The following REDIC1 variants were observed in gnomAD, a reference collection of about 807,000 sequenced individuals.
The protein encoded by REDIC1 is HEI10 Interacting Protein 1.
chr12:39,633,421 A>G, the REDIC1 span, among the ~76,000 whole-genome samples: 1 of 152,192 alleles, frequency 6.6e-6, no homozygotes, highest in African/African-American at 2.4e-5. Flanking sequence ...TATGATAACA[A>G]TGCCTTCTTC....
At chr12:39,811,255 A>C in the REDIC1 span, among the ~76,000 whole-genome samples, 14 of 152,020 alleles carry the variant, frequency 9.2e-5, no homozygotes, top group African/African-American at 3.4e-4. Flanking sequence ...TCTCTTCAAG[A>C]AATTACCTTT....
the REDIC1 span, among the ~76,000 whole-genome samples, chr12:39,841,104 C>T: frequency 4.6e-5 from 7 of 152,076 alleles, no homozygotes; most frequent in Admixed American, 2.0e-4. Flanking sequence ...TCCCCTTACA[C>T]GTTGAGGCTA....
At chr12:39,640,584 G>T in the REDIC1 span, among the ~76,000 whole-genome samples, 1 of 152,014 alleles carries the variant, frequency 6.6e-6, no homozygotes, top group East Asian at 1.9e-4. Flanking sequence ...TCAGTAGAAT[G>T]TTGAAATACA....
the REDIC1 span, among the ~76,000 whole-genome samples, chr12:39,695,328 G>A: frequency 1.3e-5 from 2 of 152,148 alleles, no homozygotes; most frequent in East Asian, 1.9e-4. Flanking sequence ...TTGGCTCTTG[G>A]ATGGCATTTC....
chr12:39,823,688 A>G, the REDIC1 span, among the ~76,000 whole-genome samples: 9 of 152,116 alleles, frequency 5.9e-5, no homozygotes, highest in African/African-American at 2.2e-4. Context: ...GGCTCAAGTG[A>G]TCCTCCTGCT....
the REDIC1 span, among the ~76,000 whole-genome samples, chr12:39,711,075 C>T: frequency 1.3e-5 from 2 of 151,414 alleles, no homozygotes; most frequent in African/African-American, 4.9e-5. Context: ...TCCCAAAGTC[C>T]ATTGTATCAT....
chr12:39,712,190 G>GTACATGTATATATACCTGTATGTATATA, the REDIC1 span, among the ~76,000 whole-genome samples: 2 of 12,972 alleles, frequency 1.5e-4, no homozygotes, highest in Non-Finnish European at 5.4e-4. Flanking sequence ...GTATGTATAT[G>GTACATGTATATATACCTGTATGTATATA]TACATACATA....
At chr12:39,810,835 G>T in the REDIC1 span, among the ~76,000 whole-genome samples, 1 of 151,984 alleles carries the variant, frequency 6.6e-6, no homozygotes. Context: ...TTCAATTTGA[G>T]AATTTTTCTG....
the REDIC1 span, chr12:39,646,775 T>C: frequency 9.1e-7 from 1 of 1,095,836 alleles, no homozygotes; most frequent in Non-Finnish European, 1.3e-6. Context: ...GAATTTTAAA[T>C]ATAGGAAAGG....
the REDIC1 span, among the ~76,000 whole-genome samples, chr12:39,691,687 T>A: frequency 1.3e-5 from 2 of 152,108 alleles, no homozygotes; most frequent in Non-Finnish European, 1.5e-5. Context: ...AACCTGATAA[T>A]AAACGACTGA....
the REDIC1 span, among the ~76,000 whole-genome samples, chr12:39,691,503 G>C: frequency 6.6e-6 from 1 of 152,010 alleles, no homozygotes; most frequent in Non-Finnish European, 1.5e-5. Flanking sequence ...CAACTAAAAA[G>C]AGATACTTAA....
At chr12:39,765,872 C>T in the REDIC1 span, among the ~76,000 whole-genome samples, 4 of 152,040 alleles carry the variant, frequency 2.6e-5, no homozygotes, top group Non-Finnish European at 5.9e-5. Context: ...TATCCTGATG[C>T]TCTCCCTCCT....
chr12:39,892,303 G>C, the REDIC1 span, among the ~76,000 whole-genome samples: 1 of 152,152 alleles, frequency 6.6e-6, no homozygotes, highest in African/African-American at 2.4e-5. Flanking sequence ...CAGCTTGTTT[G>C]GGTCACAGGA....
chr12:39,798,139 A>G, the REDIC1 span, among the ~76,000 whole-genome samples: 3 of 152,208 alleles, frequency 2.0e-5, no homozygotes, highest in African/African-American at 7.2e-5. Flanking sequence ...GGAAAACTCC[A>G]CATAAAGAGA....
chr12:39,857,621 A>G, the REDIC1 span, among the ~76,000 whole-genome samples: 12 of 152,206 alleles, frequency 7.9e-5, no homozygotes, highest in African/African-American at 2.9e-4. Context: ...TGATCTTTTA[A>G]AAACACAAAT....
At chr12:39,866,253 TTTTG>T in the REDIC1 span, among the ~76,000 whole-genome samples, 1 of 152,180 alleles carries the variant, frequency 6.6e-6, no homozygotes, top group Non-Finnish European at 1.5e-5. Context: ...GTTGAGATGT[TTTTG>T]TTTAAGACAT....
chr12:39,735,749 T>A, the REDIC1 span, among the ~76,000 whole-genome samples: 1,966 of 152,324 alleles, frequency 0.013, 16 homozygotes, highest in Non-Finnish European at 0.021. Flanking sequence ...TCCCTAAGGA[T>A]CTTGAGGCAC....
At chr12:39,826,306 G>GT in the REDIC1 span, among the ~76,000 whole-genome samples, 1 of 151,410 alleles carries the variant, frequency 6.6e-6, no homozygotes, top group African/African-American at 2.4e-5. Context: ...TCTTATTTCT[G>GT]TATTTCTAAC....
chr12:39,699,819 C>G, the REDIC1 span, among the ~76,000 whole-genome samples: 20 of 152,284 alleles, frequency 1.3e-4, no homozygotes, highest in African/African-American at 4.3e-4. Flanking sequence ...GGAGGCACCC[C>G]CAAGCAGTGG....
Sources: gnomAD v4.1 joint callset for allele counts (sites outside exome capture counted in the v4.1 genomes callset) on GRCh38, gnomAD v4.1.1 for gene constraint, MANE v1.5 for transcripts, NCBI Gene and HGNC (gene_info 2026-07-23, HGNC 2026-07-21) for gene names.